Variants in BRWD1 observed in about 807,000 individuals in gnomAD.
The protein encoded by BRWD1 is bromodomain and WD repeat-containing protein 1.
In BRWD1, 82 loss-of-function variants were observed where a neutral mutation model predicts 251.2. The observed-to-expected ratio is 0.33, with a 90% CI of 0.27 to 0.39. The LOEUF is 0.39. Ranked by LOEUF, BRWD1 falls within the 10% of genes least tolerant of loss-of-function variation. The pLI, the probability that BRWD1 is intolerant of heterozygous loss-of-function variation, is 1.00. For synonymous variants in BRWD1, 918 were observed against 902.8 expected (o/e 1.02, Z -0.30); for missense variants, 2,233 against 2,711.6 (o/e 0.82, Z 3.92).
chr21:39,199,803 T>C (rs1356863117), intron 39 of BRWD1, 141 bp from the exon 40 acceptor site: 2 of 867,592 alleles, frequency 2.3e-6, no homozygotes, highest in African/African-American at 3.4e-5. Flanking sequence ...CAGGCTGGAG[T>C]GCAATGGTGC....
chr21:39,302,924 G>A (rs569705116), intron 4 of BRWD1, among the ~76,000 whole-genome samples: 5 of 151,950 alleles, frequency 3.3e-5, no homozygotes, highest in African/African-American at 1.2e-4. Flanking sequence ...GCTGGGTGTG[G>A]TGGCATGCTC....
chr21:39,200,710 G>A (rs1305968071), intron 38 of BRWD1, among the ~76,000 whole-genome samples: 2 of 152,180 alleles, frequency 1.3e-5, no homozygotes, highest in Non-Finnish European at 2.9e-5. Context: ...TGCAGGCCGG[G>A]CACGGTGACT....
At chr21:39,226,415 A>C in intron 27 of BRWD1, among the ~76,000 whole-genome samples, 1 of 152,224 alleles carries the variant, frequency 6.6e-6, no homozygotes, top group East Asian at 1.9e-4. Context: ...ATAATTTCTC[A>C]ACCACAAAAA....
At chr21:39,283,002 A>G (rs2836973) in intron 8 of BRWD1, among the ~76,000 whole-genome samples, 48,187 of 150,946 alleles carry the variant, frequency 0.32, 8,243 homozygotes, top group Middle Eastern at 0.37. Flanking sequence ...ACTGTCCATG[A>G]AAGAATATGT....
intron 22 of BRWD1, 80 bp downstream of exon 22, chr21:39,238,399 T>G (rs776845822): frequency 4.2e-6 from 5 of 1,187,682 alleles, no homozygotes; most frequent in East Asian, 2.4e-5. Flanking sequence ...AATTCTTGCC[T>G]CTTGAATAAA....
rs1163921747 is a variant in BRWD1, at chr21:39,193,932, A to G, written c.*2327T>C. On this transcript the variant is annotated 3_prime_UTR_variant, in exon 41 of 41. Coordinates refer to ENST00000342449, the MANE Select transcript of BRWD1 (RefSeq NM_033656.4). The stretch of plus-strand genomic sequence containing the variant: ...TAGGAATAGCACCATAACCAAAAAA[A>G]CCCATAAAAATTATTTTCTCCATTA... 9.1e-6 allele frequency: 9 copies of G among 985,392 alleles called. No homozygotes were observed. The highest frequency in any genetic ancestry group is 1.1e-5 in the Non-Finnish European group (9 of 829,694). 61.0% of individuals were successfully genotyped at this position (985,392 alleles called of 1,614,324 possible).
chr21:39,305,783 G>C (rs2036266170), intron 4 of BRWD1, among the ~76,000 whole-genome samples: 1 of 150,342 alleles, frequency 6.7e-6, no homozygotes, highest in African/African-American at 2.5e-5. Context: ...AGAATCACTT[G>C]AACCCAGGAG....
Position 39,196,118 on chromosome 21 carries a change from G to A in BRWD1, c.*141C>T. On this transcript the variant is annotated 3_prime_UTR_variant, in exon 41 of 41. Coordinates refer to ENST00000342449, the MANE Select transcript of BRWD1 (RefSeq NM_033656.4). ...AAGTGCAAATAAAAATAACAGTCATGATTTAGTCACATTCATAACTTTTCA... is the reference window on the plus strand; with the variant it reads ...AAGTGCAAATAAAAATAACAGTCATAATTTAGTCACATTCATAACTTTTCA... The A allele has an allele frequency of 1.4e-6, 2 of 1,428,754 alleles. No homozygotes were observed. Among genetic ancestry groups the A allele is most frequent in the Non-Finnish European group, 9.1e-7 (1 of 1,098,018 alleles). 88.5% of individuals were successfully genotyped at this position (1,428,754 alleles called of 1,614,324 possible). A position where few individuals can be genotyped will look rare whatever the true frequency, so the allele number is the denominator to read the frequency against.
chr21:39,214,122 A>G (rs1257304439), intron 32 of BRWD1, among the ~76,000 whole-genome samples: 2 of 152,138 alleles, frequency 1.3e-5, no homozygotes, highest in East Asian at 3.8e-4. Flanking sequence ...TCCAAGACTT[A>G]GGACAGAATC....
At chr21:39,239,738 T>A (rs574320863) in intron 21 of BRWD1, among the ~76,000 whole-genome samples, 4 of 152,336 alleles carry the variant, frequency 2.6e-5, no homozygotes, top group East Asian at 3.9e-4. Flanking sequence ...AATCTACAGA[T>A]GATGCTGGAA....
In BRWD1 at chr21:39,295,810, C is replaced by T; in HGVS notation, c.542G>A (p.Arg181Lys). ...TMYQHIKMHR[R>K]ILGHLSAVYC... ...AACAGCAGATAGATGTCCGAGAATC[C>T]TTCTGTGCATTTTTATATGCTGATA... The change falls in exon 7 of 41, where the codon AGG (arginine) becomes AAG (lysine). Residue 181 changes from arginine to lysine, a missense_variant. Coordinates refer to ENST00000342449, the MANE Select transcript of BRWD1 (RefSeq NM_033656.4). 6.2e-7 allele frequency: 1 copy of T among 1,612,164 alleles called. No individual in the cohort carries two copies. Among genetic ancestry groups the T allele is most frequent in the African/African-American group, 1.3e-5 (1 of 74,982 alleles).
At chr21:39,278,017 GTT>G (rs1239473347) in intron 10 of BRWD1, among the ~76,000 whole-genome samples, 1 of 151,846 alleles carries the variant, frequency 6.6e-6, no homozygotes, top group Non-Finnish European at 1.5e-5. Context: ...GATAATTTTT[GTT>G]TTGTTTTTTT....
chr21:39,286,015 A>ATTTTTTT (rs1568953276), intron 8 of BRWD1, among the ~76,000 whole-genome samples: 9 of 26,738 alleles, frequency 3.4e-4, no homozygotes, highest in Non-Finnish European at 2.2e-4. Flanking sequence ...CACCATATGA[A>ATTTTTTT]CTTTTTTTTT....
At chr21:39,222,789 T>C (rs1315886457) in intron 29 of BRWD1, among the ~76,000 whole-genome samples, 2 of 152,186 alleles carry the variant, frequency 1.3e-5, no homozygotes, top group Non-Finnish European at 2.9e-5. Context: ...AACAAGATTT[T>C]TGCAGCACAT....
chr21:39,313,730 A>C, upstream of BRWD1: 1 of 388,070 alleles, frequency 2.6e-6, no homozygotes, highest in Non-Finnish European at 4.6e-6. Flanking sequence ...AGAGGACCGG[A>C]GCTCGTGTCC....
chr21:39,200,023 G>A (rs540697433), intron 39 of BRWD1, among the ~76,000 whole-genome samples, 196 bp downstream of exon 39: 1 of 152,328 alleles, frequency 6.6e-6, no homozygotes, highest in Admixed American at 6.5e-5. Flanking sequence ...AAAGTGCTGG[G>A]ATTATAGGCG....
At chr21:39,228,691 T>G in intron 26 of BRWD1, 109 bp from the exon 27 acceptor site, 1 of 579,256 alleles carries the variant, frequency 1.7e-6, no homozygotes, top group South Asian at 2.7e-5. Flanking sequence ...ATTTTTAATT[T>G]TCAACCAGCT....
intron 5 of BRWD1, chr21:39,296,806 T>A (rs1012398827): frequency 1.4e-5 from 14 of 970,568 alleles, no homozygotes; most frequent in Non-Finnish European, 1.6e-5. Context: ...TATTTTTCAA[T>A]GTAGAATTAT....
Position 39,218,251 on chromosome 21 carries a change from C to A in BRWD1, c.3560G>T (p.Gly1187Val). 1.2e-6 allele frequency: 2 copies of A among 1,608,524 alleles called. No homozygotes were observed. Among genetic ancestry groups the A allele is most frequent in the Admixed American group, 1.7e-5 (1 of 58,146 alleles). The change falls in exon 31 of 41, where the codon GGC (glycine) becomes GTC (valine). Residue 1187 changes from glycine to valine, a missense_variant. Coordinates refer to ENST00000342449, the MANE Select transcript of BRWD1 (RefSeq NM_033656.4). ...CGGGTATGTACACAAATCAACAGGG[C>A]CTGCAAAAGCTGCTGCTATATCTGT... ...LNLDIAAAFA[G>V]PVDLCTYPKY... is the part of the protein sequence containing the mutation.
Sources: gnomAD v4.1 joint callset for allele counts (sites outside exome capture counted in the v4.1 genomes callset) on GRCh38, gnomAD v4.1.1 for gene constraint, MANE v1.5 for transcripts, NCBI Gene and HGNC (gene_info 2026-07-23, HGNC 2026-07-21) for gene names.